DRICH1: variants seen among roughly 807,000 people sequenced by gnomAD.
DRICH1 encodes the protein aspartate rich 1.
Under a neutral mutation model 39.5 loss-of-function variants are expected in DRICH1, and 38 were observed. That is an observed-to-expected ratio of 0.96 (90% CI 0.74 to 1.26). The LOEUF is 1.26. Among genes scored for constraint, DRICH1 ranks in the 50% most tolerant of loss-of-function variants. The pLI is 0.00. For missense variants in DRICH1, 279 were observed against 270.4 expected (o/e 1.03, Z -0.22); for synonymous variants, 84 against 99.5 (o/e 0.84, Z 0.93).
At chr22:23,614,239 A>C (rs1441946478) in intron 8 of DRICH1, 25 bp from the exon 9 acceptor site, 1 of 1,567,432 alleles carries the variant, frequency 6.4e-7, no homozygotes, top group Non-Finnish European at 8.8e-7. Context: ...AGGAAAGATC[A>C]GTGCACCGGT....
In DRICH1 at chr22:23,621,980, C is replaced by T. The variant is rs961149144; in HGVS notation, c.384+111G>A. ...AACAAAGAAAGGAAAGAAAATCTCACTTTTGTTGTTTATAGCTCCCTGAGT... is the reference window on the plus strand; with the variant it reads ...AACAAAGAAAGGAAAGAAAATCTCATTTTTGTTGTTTATAGCTCCCTGAGT... On this transcript the variant is annotated intron_variant, in intron 4 of 11. Transcript: ENST00000317749. The T allele has an allele frequency of 3.9e-5, 37 of 938,372 alleles. No homozygotes were observed. The Admixed American group carries it at 7.6e-4, about 19-fold the overall frequency. The allele number at this position is 938,372 out of a possible 1,614,324, so 58.1% of individuals were successfully genotyped here.
At chr22:23,612,067 C>T (rs545784398) in intron 11 of DRICH1, among the ~76,000 whole-genome samples, 302 of 152,232 alleles carry the variant, frequency 2.0e-3, no homozygotes, top group Non-Finnish European at 2.7e-3. Context: ...GAAAGATATG[C>T]CCCCTTCTAA....
chr22:23,631,204 G>A (rs895135617), intron 1 of DRICH1, among the ~76,000 whole-genome samples: 11 of 152,204 alleles, frequency 7.2e-5, no homozygotes, highest in Middle Eastern at 3.4e-3. Flanking sequence ...CAGATCACCA[G>A]GTCAGGAGAT....
chr22:23,627,161 C>T (rs987775519), intron 1 of DRICH1, among the ~76,000 whole-genome samples: 14 of 151,340 alleles, frequency 9.3e-5, no homozygotes, highest in African/African-American at 2.9e-4. Flanking sequence ...CAACCTCTGC[C>T]TCCCAGGTTC....
chr22:23,614,245 C>T, intron 8 of DRICH1, 31 bp from the exon 9 acceptor site: 1 of 1,543,122 alleles, frequency 6.5e-7, no homozygotes, highest in South Asian at 1.1e-5. Context: ...GATCAGTGCA[C>T]CGGTGGTTGG....
In DRICH1 at chr22:23,608,685, A is replaced by G; in HGVS notation, c.*79T>C. ...GAATGTAGAGAGGATTGAGACCTCCAGGGGCAAAGCTGGGGACCCTGCAGC... is the reference window on the plus strand; with the variant it reads ...GAATGTAGAGAGGATTGAGACCTCCGGGGGCAAAGCTGGGGACCCTGCAGC... On this transcript the variant is annotated 3_prime_UTR_variant, in exon 12 of 12. Coordinates refer to ENST00000317749, the MANE Select transcript of DRICH1 (RefSeq NM_016449.4). The G allele has an allele frequency of 1.4e-6, 2 of 1,427,398 alleles. No homozygotes were observed. The highest frequency in any genetic ancestry group is 1.9e-6 in the Non-Finnish European group (2 of 1,035,286). 88.4% of individuals were successfully genotyped at this position (1,427,398 alleles called of 1,614,324 possible).
intron 2 of DRICH1, 96 bp from the exon 3 acceptor site, chr22:23,625,000 A>G: frequency 7.3e-7 from 1 of 1,372,564 alleles, no homozygotes. Context: ...TCAGAAAACT[A>G]CTTTTGAAAC....
chr22:23,603,269 C>T, the DRICH1 span, among the ~76,000 whole-genome samples: 4 of 151,946 alleles, frequency 2.6e-5, no homozygotes, highest in Non-Finnish European at 5.9e-5. Context: ...GGGCAGCCCC[C>T]GAGAATGCCC....
chr22:23,606,990 C>CA (rs1269105820), downstream of DRICH1: 1 of 152,898 alleles, frequency 6.5e-6, no homozygotes, highest in African/African-American at 2.4e-5. Context: ...GGCCAACCAG[C>CA]ATGGGAGGGG....
chr22:23,599,673 C>G, the DRICH1 span, among the ~76,000 whole-genome samples: 1 of 152,188 alleles, frequency 6.6e-6, no homozygotes, highest in Admixed American at 6.5e-5. Context: ...TGCTCACACC[C>G]ATCTTCCAGC....
chr22:23,594,307 G>A, the DRICH1 span, among the ~76,000 whole-genome samples: 6 of 152,184 alleles, frequency 3.9e-5, no homozygotes, highest in African/African-American at 7.2e-5. Context: ...GGTGGCTCAC[G>A]CCTGTAATCA....
the DRICH1 span, among the ~76,000 whole-genome samples, chr22:23,592,549 T>C: frequency 1.3e-5 from 2 of 152,076 alleles, no homozygotes; most frequent in Admixed American, 6.5e-5. Flanking sequence ...CAGCAAGTGC[T>C]GCTGGGTGGC....
At chr22:23,623,981 C>A in intron 3 of DRICH1, 2 of 816,708 alleles carry the variant, frequency 2.4e-6, no homozygotes, top group Non-Finnish European at 2.8e-6. Context: ...TCTCTCTCAA[C>A]AGAATGCTGA....
At chr22:23,617,736 T>C (rs1927450048) in intron 6 of DRICH1, 79 bp from the exon 7 acceptor site, 1 of 1,362,962 alleles carries the variant, frequency 7.3e-7, no homozygotes, top group Non-Finnish European at 1.1e-6. Flanking sequence ...CTGGATGTGG[T>C]ATATGGAGGT....
chr22:23,605,766 T>G (rs1926691892), downstream of DRICH1, among the ~76,000 whole-genome samples: 1 of 152,088 alleles, frequency 6.6e-6, no homozygotes, highest in Non-Finnish European at 1.5e-5. Flanking sequence ...AATATTTTAA[T>G]ATGATATTTA....
downstream of DRICH1, among the ~76,000 whole-genome samples, chr22:23,605,355 G>C (rs5759929): frequency 6.6e-6 from 1 of 152,110 alleles, no homozygotes; most frequent in Non-Finnish European, 1.5e-5. Context: ...TGTAGGCTTA[G>C]GTTTCCTAGG....
the DRICH1 span, among the ~76,000 whole-genome samples, chr22:23,585,262 G>C: frequency 1.3e-5 from 2 of 151,754 alleles, no homozygotes; most frequent in African/African-American, 2.4e-5. Context: ...TTCAGCCTCC[G>C]AAGTAGCTGG....
At chr22:23,592,118 T>A in the DRICH1 span, among the ~76,000 whole-genome samples, 2 of 152,108 alleles carry the variant, frequency 1.3e-5, no homozygotes, top group African/African-American at 4.8e-5. Flanking sequence ...GGCTGGAGCA[T>A]GGAGGGTCCA....
chr22:23,613,599 G>GC, intron 10 of DRICH1, 40 bp downstream of exon 10: 7 of 1,552,732 alleles, frequency 4.5e-6, no homozygotes, highest in Non-Finnish European at 6.2e-6. Context: ...AAGCTAGCAA[G>GC]TTTTTTCCCT....
Sources: gnomAD v4.1 joint callset for allele counts (sites outside exome capture counted in the v4.1 genomes callset) on GRCh38, gnomAD v4.1.1 for gene constraint, MANE v1.5 for transcripts, NCBI Gene and HGNC (gene_info 2026-07-23, HGNC 2026-07-21) for gene names.